The following EYA2 variants were observed in gnomAD, a reference collection of about 807,000 sequenced individuals.
EYA2 encodes the protein EYA transcriptional coactivator and phosphatase 2.
In EYA2, 31 loss-of-function variants were observed where a neutral mutation model predicts 69.2. That is an observed-to-expected ratio of 0.45 (90% CI 0.34 to 0.60). EYA2 has a LOEUF of 0.60. Among genes scored for constraint, EYA2 ranks in the 20% least tolerant of loss-of-function variants. EYA2 has a pLI of 0.02. For missense variants in EYA2, 622 were observed against 701.2 expected, an observed-to-expected ratio of 0.89 and a Z score of 1.28; for synonymous variants, 257 against 279.4, an observed-to-expected ratio of 0.92 and a Z score of 0.80.
intron 10 of EYA2, among the ~76,000 whole-genome samples, chr20:47,145,295 G>A (rs1364933746): frequency 2.0e-5 from 3 of 152,190 alleles, no homozygotes. Flanking sequence ...ACCAAAGGAT[G>A]ACAAGCACCC....
At chr20:47,006,949 G>A (rs567975022) in intron 4 of EYA2, among the ~76,000 whole-genome samples, 1 of 151,898 alleles carries the variant, frequency 6.6e-6, no homozygotes, top group Admixed American at 6.6e-5. Context: ...TTCTTTTTTT[G>A]AGACAGCATC....
chr20:46,898,163 G>A (rs547011120), intron 1 of EYA2, among the ~76,000 whole-genome samples: 68 of 151,798 alleles, frequency 4.5e-4, no homozygotes, highest in Non-Finnish European at 7.9e-4. Flanking sequence ...TGAAGGAGTT[G>A]GTTAGTCTGT....
chr20:47,066,296 C>A (rs994233357), intron 5 of EYA2, among the ~76,000 whole-genome samples: 8 of 151,930 alleles, frequency 5.3e-5, no homozygotes, highest in Non-Finnish European at 1.0e-4. Flanking sequence ...CATGCCACTG[C>A]ACTCCAGCCT....
intron 1 of EYA2, among the ~76,000 whole-genome samples, chr20:46,959,151 C>A (rs1470210680): frequency 6.6e-6 from 1 of 152,196 alleles, no homozygotes. Flanking sequence ...TTGGAAACCA[C>A]CCAACACAGA....
At chr20:46,912,765 A>G (rs1055742528) in intron 1 of EYA2, among the ~76,000 whole-genome samples, 2 of 150,506 alleles carry the variant, frequency 1.3e-5, no homozygotes, top group Non-Finnish European at 3.0e-5. Flanking sequence ...CAGTGGCGCA[A>G]TCTCGGCTCA....
chr20:47,130,557 G>A (rs376733057), intron 9 of EYA2, among the ~76,000 whole-genome samples: 2 of 151,734 alleles, frequency 1.3e-5, no homozygotes, highest in Non-Finnish European at 2.9e-5. Flanking sequence ...GAGCCACCGC[G>A]CCCGGCCGAG....
At chr20:46,916,585 T>C (rs934435940) in intron 1 of EYA2, among the ~76,000 whole-genome samples, 6 of 152,348 alleles carry the variant, frequency 3.9e-5, no homozygotes, top group Admixed American at 3.9e-4. Context: ...GACTGGCACT[T>C]CTGGGCTTTA....
rs181186209 is a variant in EYA2, at chr20:47,084,161, G to A, written c.662-5078G>A. Among the ~76,000 whole-genome samples the A allele has an allele frequency of 3.3e-3, 501 of 152,278 alleles. 6 individuals are homozygous for A. The highest frequency in any genetic ancestry group is 0.011 in the African/African-American group (450 of 41,554). Reference sequence around the variant, plus strand: ...CTCGGGAGGCTGAGTCAGGAGAATCGCTTGAACCCAGGAGGCGGAGGTTGC... The same window carrying A: ...CTCGGGAGGCTGAGTCAGGAGAATCACTTGAACCCAGGAGGCGGAGGTTGC... On this transcript the variant is annotated intron_variant, in intron 7 of 15. Transcript: ENST00000327619.
At chr20:47,055,772 TC>T (rs1366909599) in intron 5 of EYA2, among the ~76,000 whole-genome samples, 2 of 152,160 alleles carry the variant, frequency 1.3e-5, no homozygotes, top group Non-Finnish European at 2.9e-5. Context: ...AATGTATTGA[TC>T]CCCTGTTTAA....
At chr20:46,967,053 C>T (rs369138567) in intron 1 of EYA2, among the ~76,000 whole-genome samples, 3 of 152,082 alleles carry the variant, frequency 2.0e-5, no homozygotes, top group South Asian at 2.1e-4. Context: ...AGTGCAGTGA[C>T]GAAATCTCAG....
intron 5 of EYA2, among the ~76,000 whole-genome samples, chr20:47,020,036 G>GGA (rs1286546943): frequency 5.3e-5 from 8 of 151,544 alleles, no homozygotes; most frequent in Non-Finnish European, 1.0e-4. Context: ...TCAGGAAGCT[G>GGA]AGGTGGAAGG....
chr20:47,161,493 A>G, intron 10 of EYA2: 1 of 449,510 alleles, frequency 2.2e-6, no homozygotes, highest in South Asian at 1.7e-5. Flanking sequence ...GATCTCCTCC[A>G]GGAACTTGAT....
At chr20:47,112,745 A>G (rs888049554) in intron 9 of EYA2, among the ~76,000 whole-genome samples, 2 of 151,826 alleles carry the variant, frequency 1.3e-5, no homozygotes, top group African/African-American at 4.8e-5. Context: ...ATAAATCAGG[A>G]ATTATTGTTA....
chr20:47,106,467 CT>C lies in EYA2; in HGVS notation c.888+9304del, dbSNP rs2032582738. ...CTTGCAGCCTTTGTTCTGCTGGGTT[CT>C]TTTTCCTTCCTCACCAGGTTATATC... On this transcript the variant is annotated intron_variant, in intron 9 of 15. Transcript: ENST00000327619. Among the ~76,000 whole-genome samples, 3 of 152,176 alleles carry C rather than the reference CT, an allele frequency of 2.0e-5. No homozygotes were observed. In the South Asian group the frequency reaches 6.2e-4, roughly 31 times the overall value.
At chr20:46,942,798 T>C (rs1306766668) in intron 1 of EYA2, among the ~76,000 whole-genome samples, 1 of 152,114 alleles carries the variant, frequency 6.6e-6, no homozygotes, top group Non-Finnish European at 1.5e-5. Flanking sequence ...CAGGGAGTCT[T>C]GCTGTCGCCT....
At position 47,180,945 on chromosome 20, in the gene EYA2, A is replaced by G. The variant is rs2034526005; in HGVS notation, c.1435+9A>G. The G allele has an allele frequency of 6.2e-7, 1 of 1,613,022 alleles. No individual in the cohort carries two copies. Among genetic ancestry groups the G allele is most frequent in the South Asian group, 1.1e-5 (1 of 90,828 alleles). Reference sequence around the variant, plus strand: ...CAGTGCAACCAAGACAGGTAGGGAGAAGCCACACCTCGGCGGGGATACAGG... The same window carrying G: ...CAGTGCAACCAAGACAGGTAGGGAGGAGCCACACCTCGGCGGGGATACAGG... On this transcript the variant is annotated intron_variant, in intron 14 of 15. Transcript: ENST00000327619.
chr20:47,101,711 A>G (rs908482309), intron 9 of EYA2, among the ~76,000 whole-genome samples: 1 of 152,254 alleles, frequency 6.6e-6, no homozygotes, highest in Non-Finnish European at 1.5e-5. Context: ...CAGGATTTGT[A>G]GGTCTGAAGC....
In EYA2 at chr20:47,055,910, C is replaced by T. The variant is rs139027129; in HGVS notation, c.416-16275C>T. On this transcript the variant is annotated intron_variant, in intron 5 of 15. Coordinates refer to ENST00000327619, the MANE Select transcript of EYA2 (RefSeq NM_005244.5). ...TCTCTCCACACCAGCACATGTGGAC[C>T]GACATGTGACAGCTTTCTCCTCTGC... Among the ~76,000 whole-genome samples the T allele has an allele frequency of 5.3e-5, 8 of 152,216 alleles. No homozygotes were observed. In the Middle Eastern group the frequency reaches 0.01, roughly 194 times the overall value.
chr20:46,969,576 G>A (rs1309677970), intron 1 of EYA2, among the ~76,000 whole-genome samples: 2 of 151,826 alleles, frequency 1.3e-5, no homozygotes, highest in Non-Finnish European at 2.9e-5. Context: ...TATGTGTCTT[G>A]TTGTTGTTGT....
Sources: allele counts gnomAD v4.1 joint callset (sites outside exome capture counted in the v4.1 genomes callset), GRCh38; gene constraint gnomAD v4.1.1; transcripts MANE v1.5; gene names NCBI Gene and HGNC (gene_info 2026-07-23, HGNC 2026-07-21).